Variants in RCSD1 observed in about 807,000 individuals in gnomAD.
RCSD1 encodes the protein capZ-interacting protein.
In RCSD1, 26 loss-of-function variants were observed where a neutral mutation model predicts 42.5. The observed-to-expected ratio is 0.61, with a 90% CI of 0.45 to 0.85. The LOEUF is 0.85. Among genes scored for constraint, RCSD1 ranks in the 40% least tolerant of loss-of-function variants. RCSD1 has a pLI of 0.00. For synonymous variants in RCSD1, 220 were observed against 212.2 expected (o/e 1.04, Z -0.32); for missense variants, 571 against 528.3 (o/e 1.08, Z -0.79).
At chr1:167,647,759 A>T (rs1325704980) in intron 1 of RCSD1, among the ~76,000 whole-genome samples, 2 of 152,148 alleles carry the variant, frequency 1.3e-5, no homozygotes, top group African/African-American at 2.4e-5. Context: ...CAAAACAACG[A>T]TAAGACCACA....
chr1:167,699,124 C>T (rs949934589), intron 6 of RCSD1, among the ~76,000 whole-genome samples: 2 of 150,146 alleles, frequency 1.3e-5, no homozygotes, highest in Non-Finnish European at 2.9e-5. Flanking sequence ...TTCCTGCTTC[C>T]ACTTTTTTTT....
intron 1 of RCSD1, among the ~76,000 whole-genome samples, chr1:167,665,258 T>C (rs562726672): frequency 6.8e-4 from 104 of 152,334 alleles, no homozygotes; most frequent in African/African-American, 2.4e-3. Context: ...AACACAATGC[T>C]TTTCAGATTC....
chr1:167,630,518 T>G, intron 1 of RCSD1, 89 bp downstream of exon 1: 1 of 1,335,490 alleles, frequency 7.5e-7, no homozygotes, highest in Non-Finnish European at 9.9e-7. Context: ...GCCCTGAGCA[T>G]GGAGCACGCG....
chr1:167,682,247 G>A (rs948376821), intron 1 of RCSD1, among the ~76,000 whole-genome samples: 6 of 149,780 alleles, frequency 4.0e-5, no homozygotes, highest in Admixed American at 6.7e-5. Context: ...TTGGCTCACT[G>A]CAACTTCTGC....
chr1:167,665,405 A>C (rs1658633929), intron 1 of RCSD1, among the ~76,000 whole-genome samples: 1 of 152,254 alleles, frequency 6.6e-6, no homozygotes, highest in East Asian at 1.9e-4. Context: ...TCAGATATTA[A>C]TAATAAAATT....
At chr1:167,630,458 C>CTGAGCGG in intron 1 of RCSD1, 29 bp downstream of exon 1, 1 of 1,529,130 alleles carries the variant, frequency 6.5e-7, no homozygotes, top group South Asian at 1.2e-5. Context: ...AGACGCGGGG[C>CTGAGCGG]TGAGCGGTGA....
At chr1:167,644,504 C>A (rs201641832) in intron 1 of RCSD1, among the ~76,000 whole-genome samples, 54,721 of 150,232 alleles carry the variant, frequency 0.36, 10,230 homozygotes, top group East Asian at 0.61. Flanking sequence ...TACATACATA[C>A]ATACATACAT....
Position 167,697,240 on chromosome 1 carries a change from G to C in RCSD1, c.616G>C (p.Val206Leu), listed in dbSNP as rs772146641. The part of the protein sequence containing the change: ...NGAKEEDGDE[V>L]LPSKSKAPGS... ...TGCTAAGGAAGAGGATGGGGATGAA[G>C]TGTTGCCATCCAAGAGCAAGGCCCC... The change falls in exon 6 of 7, where the codon GTG becomes CTG. Residue 206 changes from valine (V) to leucine (L), a missense_variant. Coordinates refer to ENST00000367854, the MANE Select transcript of RCSD1 (RefSeq NM_052862.4). 6.2e-6 allele frequency: 10 copies of C among 1,614,218 alleles called. 1 individual carries two copies. In the South Asian group the frequency reaches 7.7e-5, roughly 12 times the overall value.
intron 1 of RCSD1, among the ~76,000 whole-genome samples, chr1:167,637,495 C>T (rs1657888323): frequency 6.6e-6 from 1 of 152,170 alleles, no homozygotes; most frequent in Admixed American, 6.5e-5. Context: ...CTGGGGATTC[C>T]TCCACAAGTG....
chr1:167,663,188 C>T (rs1331043168), intron 1 of RCSD1, among the ~76,000 whole-genome samples: 2 of 152,228 alleles, frequency 1.3e-5, no homozygotes, highest in Non-Finnish European at 2.9e-5. Context: ...CGTAGTCCCA[C>T]TCCCTAGACC....
chr1:167,663,053 C>G (rs192450212), intron 1 of RCSD1, among the ~76,000 whole-genome samples: 321 of 152,288 alleles, frequency 2.1e-3, no homozygotes, highest in South Asian at 2.5e-3. Context: ...GAGTTCACGC[C>G]GCTCCTCTGA....
At chr1:167,699,914 C>A (rs1299459376) in intron 6 of RCSD1, among the ~76,000 whole-genome samples, 4 of 152,172 alleles carry the variant, frequency 2.6e-5, no homozygotes, top group South Asian at 2.1e-4. Context: ...CCTGTCTGTG[C>A]CACTCAGTCT....
At position 167,707,806 on chromosome 1, in the gene RCSD1, C is replaced by T. The variant is rs1300630617; in HGVS notation, c.*3110C>T. On this transcript the variant is annotated 3_prime_UTR_variant, in exon 7 of 7. Transcript: ENST00000367854. ...CTCAGCCTCCCAAGTACTGCAGTTACTTTTGCACCAACCTAATAGCTCGGA... is the reference window on the plus strand; with the variant it reads ...CTCAGCCTCCCAAGTACTGCAGTTATTTTTGCACCAACCTAATAGCTCGGA... Among the ~76,000 whole-genome samples, 2 of 152,090 alleles carry T rather than the reference C, an allele frequency of 1.3e-5. No individual in the cohort carries two copies. The highest frequency in any genetic ancestry group is 2.4e-5 in the African/African-American group (1 of 41,414).
chr1:167,687,815 A>G (rs1182576816), intron 3 of RCSD1, among the ~76,000 whole-genome samples: 1 of 152,228 alleles, frequency 6.6e-6, no homozygotes. Flanking sequence ...TGCTGACTGC[A>G]GGGCCCCTCC....
intron 1 of RCSD1, among the ~76,000 whole-genome samples, chr1:167,632,330 G>A (rs1210233753): frequency 6.6e-6 from 1 of 152,200 alleles, no homozygotes; most frequent in African/African-American, 2.4e-5. Context: ...TTGGAGATAA[G>A]AGAAAAGCAA....
At chr1:167,691,535 A>G (rs1166319937) in intron 4 of RCSD1, among the ~76,000 whole-genome samples, 1 of 152,218 alleles carries the variant, frequency 6.6e-6, no homozygotes, top group Non-Finnish European at 1.5e-5. Flanking sequence ...GCCACCCAGG[A>G]GAAGGAACAA....
At chr1:167,630,513 G>C (rs927240018) in intron 1 of RCSD1, 84 bp downstream of exon 1, 2 of 1,349,006 alleles carry the variant, frequency 1.5e-6, no homozygotes, top group South Asian at 3.4e-5. Flanking sequence ...CCCCTGCCCT[G>C]AGCATGGAGC....
chr1:167,646,844 G>A (rs1195485849), intron 1 of RCSD1, among the ~76,000 whole-genome samples: 1 of 152,168 alleles, frequency 6.6e-6, no homozygotes, highest in African/African-American at 2.4e-5. Context: ...AGAGAAGCAG[G>A]TAGAGGCCAC....
At chr1:167,684,079 G>T in intron 2 of RCSD1, 78 bp downstream of exon 2, 2 of 1,200,118 alleles carry the variant, frequency 1.7e-6, no homozygotes, top group South Asian at 1.3e-5. Context: ...CCAGCGGAGA[G>T]GGAGGGAGGA....
Sources: gnomAD v4.1 joint callset for allele counts (sites outside exome capture counted in the v4.1 genomes callset) on GRCh38, gnomAD v4.1.1 for gene constraint, MANE v1.5 for transcripts, NCBI Gene and HGNC (gene_info 2026-07-23, HGNC 2026-07-21) for gene names.